The following EIF2AK3 variants were observed in gnomAD, a reference collection of about 807,000 sequenced individuals.
EIF2AK3 encodes the protein eukaryotic translation initiation factor 2 alpha kinase 3.
A neutral mutation model predicts 113.5 loss-of-function variants in EIF2AK3; 50 were observed. That is an observed-to-expected ratio of 0.44 (90% confidence interval 0.35 to 0.56). The LOEUF (loss-of-function observed/expected upper bound fraction) is 0.56, where lower values mean the gene tolerates loss of function less well. EIF2AK3 is among the 20% of genes least tolerant of loss of function. The pLI is 0.00. For missense variants in EIF2AK3, 1,185 were observed against 1,378.0 expected (o/e 0.86, Z 2.22); for synonymous variants, 448 against 495.4 (o/e 0.90, Z 1.27).
At chr2:88,565,208 A>T (rs1031607064) in intron 14 of EIF2AK3, among the ~76,000 whole-genome samples, 5 of 151,380 alleles carry the variant, frequency 3.3e-5, no homozygotes, top group African/African-American at 1.2e-4. Context: ...GGTAATTTTT[A>T]TATTTTCAGT....
chr2:88,605,830 A>G (rs932270266), intron 2 of EIF2AK3, among the ~76,000 whole-genome samples: 4 of 152,278 alleles, frequency 2.6e-5, no homozygotes, highest in Admixed American at 6.5e-5. Context: ...TTCCCTGGAA[A>G]CATTGGGGAA....
At chr2:88,595,382 A>G (rs1193087143) in intron 3 of EIF2AK3, 87 bp downstream of exon 3, 6 of 1,298,344 alleles carry the variant, frequency 4.6e-6, no homozygotes, top group Non-Finnish European at 6.5e-6. Context: ...ATAAAACTCA[A>G]CTAATAATAA....
At chr2:88,597,757 A>C (rs916947524) in intron 2 of EIF2AK3, among the ~76,000 whole-genome samples, 2 of 152,158 alleles carry the variant, frequency 1.3e-5, no homozygotes, top group African/African-American at 4.8e-5. Flanking sequence ...TAGTGACAAA[A>C]ATCTTCCCAT....
chr2:88,616,254 T>A (rs1157978285), intron 1 of EIF2AK3, among the ~76,000 whole-genome samples: 1 of 152,072 alleles, frequency 6.6e-6, no homozygotes, highest in Non-Finnish European at 1.5e-5. Context: ...CCTACCTGAT[T>A]TAGACTGTCT....
chr2:88,594,506 C>T (rs1039784152), intron 3 of EIF2AK3, among the ~76,000 whole-genome samples: 3 of 152,086 alleles, frequency 2.0e-5, no homozygotes, highest in Non-Finnish European at 4.4e-5. Context: ...TGAAAGGATG[C>T]TTTTAATTAG....
chr2:88,606,471 A>G (rs2104459138), intron 2 of EIF2AK3, among the ~76,000 whole-genome samples: 1 of 152,336 alleles, frequency 6.6e-6, no homozygotes. Context: ...ATTAAAAGAA[A>G]AGCAATTAAC....
intron 16 of EIF2AK3, 39 bp from the exon 17 acceptor site, chr2:88,557,975 G>A (rs1558640880): frequency 6.3e-7 from 1 of 1,588,992 alleles, no homozygotes; most frequent in Non-Finnish European, 8.6e-7. Flanking sequence ...AAACGGCCAG[G>A]TTTGATCACT....
At chr2:88,590,330 A>G in intron 6 of EIF2AK3, 113 bp downstream of exon 6, 1 of 1,034,606 alleles carries the variant, frequency 9.7e-7, no homozygotes, top group Non-Finnish European at 1.5e-6. Context: ...TACATCAGAG[A>G]TGATATTAGG....
chr2:88,576,767 TTA>T (rs1674470214), intron 11 of EIF2AK3, 64 bp from the exon 12 acceptor site: 1 of 1,550,326 alleles, frequency 6.5e-7, no homozygotes, highest in African/African-American at 1.4e-5. Context: ...TCTTTACAAA[TTA>T]TATGACTTAT....
intron 9 of EIF2AK3, 48 bp from the exon 10 acceptor site, chr2:88,583,590 A>G (rs1674649153): frequency 7.5e-7 from 1 of 1,326,412 alleles, no homozygotes; most frequent in South Asian, 1.2e-5. Context: ...GCTGAACTGA[A>G]GTTAGCTAAC....
Position 88,574,658 on chromosome 2 carries a change from A to T in EIF2AK3, c.2817+8T>A, listed in dbSNP as rs1674405559. 2 of 1,613,970 alleles carry T rather than the reference A, an allele frequency of 1.2e-6. No homozygotes were observed. Among genetic ancestry groups the T allele is most frequent in the Non-Finnish European group, 1.7e-6 (2 of 1,179,942 alleles). On this transcript the variant is annotated splice_region_variant and intron_variant, in intron 13 of 16. Transcript: ENST00000303236. ...AAACCCCAAGGGTGATGCTCCACAA[A>T]TACAGACCTTGAGGTCCCTGTGCAT...
intron 1 of EIF2AK3, among the ~76,000 whole-genome samples, chr2:88,616,215 C>T (rs1389723943): frequency 2.6e-5 from 4 of 152,086 alleles, no homozygotes; most frequent in African/African-American, 7.2e-5. Flanking sequence ...AGGCCTCTCC[C>T]CTGAACTGCA....
chr2:88,579,683 A>C, intron 10 of EIF2AK3, 43 bp from the exon 11 acceptor site: 1 of 1,590,002 alleles, frequency 6.3e-7, no homozygotes, highest in Admixed American at 1.7e-5. Flanking sequence ...CAACAGTTTT[A>C]AATTTTGTGG....
chr2:88,557,992 T>G, intron 16 of EIF2AK3, 56 bp from the exon 17 acceptor site: 1 of 1,559,032 alleles, frequency 6.4e-7, no homozygotes, highest in Non-Finnish European at 8.8e-7. Flanking sequence ...CACTGTACAG[T>G]TTTTAAAATC....
intron 3 of EIF2AK3, among the ~76,000 whole-genome samples, chr2:88,594,363 A>G (rs916240038): frequency 6.6e-6 from 1 of 152,072 alleles, no homozygotes; most frequent in Non-Finnish European, 1.5e-5. Context: ...TCCCCAGCTA[A>G]TTTTTTTATT....
At chr2:88,581,032 A>G (rs1674586714) in intron 10 of EIF2AK3, among the ~76,000 whole-genome samples, 1 of 152,148 alleles carries the variant, frequency 6.6e-6, no homozygotes, top group South Asian at 2.1e-4. Flanking sequence ...TAAAAAGAGT[A>G]ACATCTTATA....
intron 1 of EIF2AK3, among the ~76,000 whole-genome samples, chr2:88,624,050 G>A (rs1304041512): frequency 1.3e-5 from 2 of 151,646 alleles, no homozygotes; most frequent in African/African-American, 4.9e-5. Context: ...GGAGTGCAGT[G>A]TCACGATCTC....
chr2:88,604,333 T>C (rs1344924307), intron 2 of EIF2AK3, among the ~76,000 whole-genome samples: 17 of 152,162 alleles, frequency 1.1e-4, no homozygotes, highest in Admixed American at 1.1e-3. Flanking sequence ...TCCCCAAACA[T>C]GCCATGATAA....
At chr2:88,610,883 T>C (rs915258351) in intron 2 of EIF2AK3, among the ~76,000 whole-genome samples, 1 of 152,018 alleles carries the variant, frequency 6.6e-6, no homozygotes, top group South Asian at 2.1e-4. Context: ...ATCGAGACTC[T>C]GTCTCCACAA....
Sources: allele counts gnomAD v4.1 joint callset (sites outside exome capture counted in the v4.1 genomes callset), GRCh38; gene constraint gnomAD v4.1.1; transcripts MANE v1.5; gene names NCBI Gene and HGNC (gene_info 2026-07-23, HGNC 2026-07-21).